Variants in FBXL7 observed in about 807,000 individuals in gnomAD.
FBXL7 encodes F-box and leucine rich repeat protein 7.
FBXL7 carries 12 observed loss-of-function variants against 38.3 expected under a neutral mutation model. The observed-to-expected ratio is 0.31, with a 90% CI of 0.20 to 0.51. The LOEUF (loss-of-function observed/expected upper bound fraction) is 0.51. Among genes scored for constraint, FBXL7 ranks in the 20% least tolerant of loss-of-function variants. FBXL7 has a pLI of 0.98. For missense variants in FBXL7, 567 were observed against 676.4 expected, an observed-to-expected ratio of 0.84 and a Z score of 1.79; for synonymous variants, 297 against 300.9, an observed-to-expected ratio of 0.99 and a Z score of 0.13.
chr5:15,746,346 A>G (rs1736013459), intron 2 of FBXL7, among the ~76,000 whole-genome samples: 1 of 152,186 alleles, frequency 6.6e-6, no homozygotes, highest in Non-Finnish European at 1.5e-5. Flanking sequence ...GGTGATACAA[A>G]GTTGGATGCT....
chr5:15,655,655 G>C (rs1481145404), intron 2 of FBXL7, among the ~76,000 whole-genome samples: 4 of 152,192 alleles, frequency 2.6e-5, no homozygotes, highest in African/African-American at 9.7e-5. Flanking sequence ...CACAGCGCCT[G>C]AAATAATTCT....
chr5:15,578,632 A>G (rs1257490481), intron 1 of FBXL7, among the ~76,000 whole-genome samples: 2 of 152,190 alleles, frequency 1.3e-5, no homozygotes, highest in Non-Finnish European at 2.9e-5. Context: ...ACCCCCCGTG[A>G]TGCTACAAGG....
chr5:15,758,084 A>C (rs1241949220), intron 2 of FBXL7, among the ~76,000 whole-genome samples: 1 of 152,096 alleles, frequency 6.6e-6, no homozygotes, highest in Non-Finnish European at 1.5e-5. Flanking sequence ...CAGGCAGAAA[A>C]CATGATGACC....
At chr5:15,665,931 C>T (rs1742260498) in intron 2 of FBXL7, among the ~76,000 whole-genome samples, 1 of 152,128 alleles carries the variant, frequency 6.6e-6, no homozygotes, top group African/African-American at 2.4e-5. Context: ...ATCTCAGGAT[C>T]TGTATCTATA....
intron 2 of FBXL7, among the ~76,000 whole-genome samples, chr5:15,837,197 A>G (rs1049210222): frequency 1.3e-5 from 2 of 152,232 alleles, no homozygotes; most frequent in South Asian, 4.1e-4. Context: ...TGAAATGTAA[A>G]TGATAGTCTC....
chr5:15,699,528 T>G (rs1346431246), intron 2 of FBXL7, among the ~76,000 whole-genome samples: 1 of 152,158 alleles, frequency 6.6e-6, no homozygotes, highest in Non-Finnish European at 1.5e-5. Context: ...GACCTAACAC[T>G]TAAATAATTA....
intron 2 of FBXL7, among the ~76,000 whole-genome samples, chr5:15,739,506 C>T (rs995694123): frequency 7.3e-6 from 1 of 136,326 alleles, no homozygotes; most frequent in Non-Finnish European, 1.7e-5. Flanking sequence ...TTTTTTTTAT[C>T]ACAACAAGAA....
chr5:15,741,455 A>C (rs1489141098), intron 2 of FBXL7, among the ~76,000 whole-genome samples: 1 of 152,156 alleles, frequency 6.6e-6, no homozygotes, highest in Non-Finnish European at 1.5e-5. Flanking sequence ...TTTTTACCAA[A>C]AGTTGTGGAT....
At chr5:15,641,941 T>TTA (rs1741379047) in intron 2 of FBXL7, among the ~76,000 whole-genome samples, 1 of 141,522 alleles carries the variant, frequency 7.1e-6, no homozygotes, top group African/African-American at 2.6e-5. Context: ...ACATAAAACC[T>TTA]TGTGTGTGTG....
At chr5:15,878,657 A>G (rs1270009235) in intron 2 of FBXL7, among the ~76,000 whole-genome samples, 1 of 152,170 alleles carries the variant, frequency 6.6e-6, no homozygotes, top group Non-Finnish European at 1.5e-5. Flanking sequence ...ATTAAACCAC[A>G]CTGCCTTTCA....
chr5:15,615,914 C>A, intron 1 of FBXL7, 69 bp from the exon 2 acceptor site: 1 of 977,924 alleles, frequency 1.0e-6, no homozygotes, highest in Non-Finnish European at 1.6e-6. Context: ...TGCTGTGGGA[C>A]CGAGTGGAAG....
intron 2 of FBXL7, among the ~76,000 whole-genome samples, chr5:15,633,895 C>T (rs542721515): frequency 5.3e-5 from 8 of 152,040 alleles, no homozygotes; most frequent in Non-Finnish European, 7.4e-5. Context: ...GTTCTCCTGC[C>T]TCAGCCTCCC....
intron 1 of FBXL7, among the ~76,000 whole-genome samples, chr5:15,612,652 G>A (rs533501297): frequency 4.6e-5 from 7 of 152,254 alleles, no homozygotes; most frequent in African/African-American, 1.4e-4. Flanking sequence ...AAAGGAAGGC[G>A]CTCTACTCCA....
intron 1 of FBXL7, among the ~76,000 whole-genome samples, chr5:15,607,798 A>G (rs1740080497): frequency 6.6e-6 from 1 of 152,246 alleles, no homozygotes; most frequent in Admixed American, 6.5e-5. Context: ...CCTATTACAG[A>G]TAACATTTAC....
chr5:15,553,667 A>G (rs937369435), intron 1 of FBXL7, among the ~76,000 whole-genome samples: 1 of 152,244 alleles, frequency 6.6e-6, no homozygotes. Context: ...CTTAACACTC[A>G]GGTTTCTTAG....
At chr5:15,896,809 G>C (rs1398692096) in intron 2 of FBXL7, among the ~76,000 whole-genome samples, 1 of 151,958 alleles carries the variant, frequency 6.6e-6, no homozygotes, top group Non-Finnish European at 1.5e-5. Context: ...TAAGTCTGAA[G>C]AAAGGTAACT....
intron 2 of FBXL7, among the ~76,000 whole-genome samples, chr5:15,782,947 T>A (rs1159507424): frequency 6.6e-6 from 1 of 152,130 alleles, no homozygotes; most frequent in Non-Finnish European, 1.5e-5. Context: ...GAGACTTTAT[T>A]TGACAGTTGC....
intron 2 of FBXL7, among the ~76,000 whole-genome samples, chr5:15,639,378 G>C (rs969395591): frequency 5.3e-5 from 8 of 152,086 alleles, no homozygotes; most frequent in African/African-American, 1.9e-4. Flanking sequence ...TCATGGGGGT[G>C]GGTCTTTCCC....
chr5:15,626,957 C>T (rs1321555787), intron 2 of FBXL7, among the ~76,000 whole-genome samples: 1 of 152,134 alleles, frequency 6.6e-6, no homozygotes, highest in Non-Finnish European at 1.5e-5. Context: ...ATATGTCAGT[C>T]AGGGGTCACC....
Sources: gnomAD v4.1 joint callset for allele counts (sites outside exome capture counted in the v4.1 genomes callset) on GRCh38, gnomAD v4.1.1 for gene constraint, MANE v1.5 for transcripts, NCBI Gene and HGNC (gene_info 2026-07-23, HGNC 2026-07-21) for gene names.